Variants in CNTN4 observed in about 807,000 individuals in gnomAD.
CNTN4 encodes contactin-4.
Under a neutral mutation model 122.5 loss-of-function variants are expected in CNTN4, and 77 were observed. The observed-to-expected ratio is 0.63, with a 90% CI of 0.52 to 0.76. CNTN4 has a LOEUF of 0.76. CNTN4 is among the 30% of genes least tolerant of loss of function. CNTN4 has a pLI of 0.00. For synonymous variants in CNTN4, 512 were observed against 447.0 expected (o/e 1.15, Z -1.83); for missense variants, 1,256 against 1,259.1 (o/e 1.00, Z 0.04).
chr3:2,659,389 G>T (rs374451197), intron 4 of CNTN4, among the ~76,000 whole-genome samples: 9 of 149,634 alleles, frequency 6.0e-5, no homozygotes, highest in African/African-American at 2.2e-4. Context: ...TTGAACCCAG[G>T]AGGTGGAGGT....
intron 7 of CNTN4, among the ~76,000 whole-genome samples, chr3:2,859,425 A>G (rs936649345): frequency 6.6e-6 from 1 of 152,098 alleles, no homozygotes; most frequent in Admixed American, 6.5e-5. Flanking sequence ...GTTTCATAAT[A>G]TAGGGAAACT....
intron 24 of CNTN4, among the ~76,000 whole-genome samples, chr3:3,055,352 G>C (rs1422544575): frequency 1.3e-5 from 2 of 152,046 alleles, no homozygotes; most frequent in Non-Finnish European, 2.9e-5. Flanking sequence ...ATGATTCCTG[G>C]TTTTATTCAT....
At chr3:2,783,846 A>ATT (rs1469868622) in intron 6 of CNTN4, among the ~76,000 whole-genome samples, 1 of 152,202 alleles carries the variant, frequency 6.6e-6, no homozygotes, top group African/African-American at 2.4e-5. Context: ...ACACTTAATG[A>ATT]ATGTTCATGA....
chr3:2,503,539 A>G (rs534209072), intron 3 of CNTN4, among the ~76,000 whole-genome samples: 1 of 152,242 alleles, frequency 6.6e-6, no homozygotes, highest in South Asian at 2.1e-4. Context: ...TACTATCATT[A>G]TCCCCATTTT....
intron 4 of CNTN4, among the ~76,000 whole-genome samples, chr3:2,712,239 G>A (rs1265788116): frequency 6.6e-6 from 1 of 152,146 alleles, no homozygotes; most frequent in Non-Finnish European, 1.5e-5. Context: ...TGTTAAAGAG[G>A]TGAAATTAGA....
chr3:2,193,722 A>G (rs1346791259), intron 2 of CNTN4, among the ~76,000 whole-genome samples: 1 of 152,214 alleles, frequency 6.6e-6, no homozygotes, highest in Non-Finnish European at 1.5e-5. Flanking sequence ...AATGCATCAC[A>G]TATGCATGAC....
At chr3:2,871,945 A>G (rs1045382989) in intron 8 of CNTN4, among the ~76,000 whole-genome samples, 1 of 152,204 alleles carries the variant, frequency 6.6e-6, no homozygotes, top group African/African-American at 2.4e-5. Flanking sequence ...TGCTTTGAGA[A>G]GATAACTGAT....
At chr3:2,117,887 C>T (rs746586704) in intron 2 of CNTN4, among the ~76,000 whole-genome samples, 1 of 152,118 alleles carries the variant, frequency 6.6e-6, no homozygotes, top group Non-Finnish European at 1.5e-5. Context: ...TTTTTAGTTT[C>T]ACATCTGTCA....
chr3:2,404,988 A>AT (rs1202717734), intron 3 of CNTN4, among the ~76,000 whole-genome samples: 1 of 152,212 alleles, frequency 6.6e-6, no homozygotes, highest in East Asian at 1.9e-4. Flanking sequence ...AGGGAGTATA[A>AT]TTTAAAGTAT....
At chr3:2,410,441 G>A (rs2047188422) in intron 3 of CNTN4, among the ~76,000 whole-genome samples, 1 of 152,114 alleles carries the variant, frequency 6.6e-6, no homozygotes, top group African/African-American at 2.4e-5. Context: ...TACCACATCA[G>A]GCAGTGGAAA....
At chr3:2,628,904 G>T (rs2150013788) in intron 4 of CNTN4, among the ~76,000 whole-genome samples, 1 of 152,292 alleles carries the variant, frequency 6.6e-6, no homozygotes, top group East Asian at 1.9e-4. Flanking sequence ...GATATAATTT[G>T]TCTGAGAAAA....
At chr3:2,263,706 G>T (rs571903682) in intron 2 of CNTN4, among the ~76,000 whole-genome samples, 2 of 151,676 alleles carry the variant, frequency 1.3e-5, no homozygotes, top group Non-Finnish European at 2.9e-5. Flanking sequence ...CCCTATTGTA[G>T]AGTCAAATAT....
intron 13 of CNTN4, among the ~76,000 whole-genome samples, chr3:2,984,944 T>G (rs2125248505): frequency 6.6e-6 from 1 of 152,230 alleles, no homozygotes; most frequent in East Asian, 1.9e-4. Flanking sequence ...CTATTTTTGT[T>G]ATTATTGAGG....
At chr3:2,455,358 T>C (rs986686953) in intron 3 of CNTN4, among the ~76,000 whole-genome samples, 1 of 152,150 alleles carries the variant, frequency 6.6e-6, no homozygotes, top group African/African-American at 2.4e-5. Context: ...TGGGTGAATG[T>C]TGGCCCTCAA....
At chr3:2,190,620 G>A (rs1309370021) in intron 2 of CNTN4, among the ~76,000 whole-genome samples, 1 of 151,926 alleles carries the variant, frequency 6.6e-6, no homozygotes, top group African/African-American at 2.4e-5. Flanking sequence ...GTCTGCATGG[G>A]TGGTAGGTGG....
At chr3:2,801,098 G>C (rs559686821) in intron 6 of CNTN4, among the ~76,000 whole-genome samples, 1 of 145,592 alleles carries the variant, frequency 6.9e-6, no homozygotes, top group South Asian at 2.1e-4. Flanking sequence ...CACCTGATCA[G>C]ATGTAAGTTC....
intron 3 of CNTN4, among the ~76,000 whole-genome samples, chr3:2,457,785 A>C (rs948665150): frequency 2.3e-4 from 35 of 152,116 alleles, no homozygotes; most frequent in African/African-American, 8.2e-4. Flanking sequence ...TTCATTAAGC[A>C]TGTTTTAGCC....
chr3:2,961,231 C>CAAAAAAAAA (rs59790353), intron 13 of CNTN4, among the ~76,000 whole-genome samples: 5 of 37,244 alleles, frequency 1.3e-4, no homozygotes, highest in East Asian at 1.6e-3. Flanking sequence ...CTCCATCTCA[C>CAAAAAAAAA]AAAAAAAAAA....
At chr3:2,331,767 GT>G (rs113923393) in intron 2 of CNTN4, among the ~76,000 whole-genome samples, 4 of 152,294 alleles carry the variant, frequency 2.6e-5, no homozygotes, top group African/African-American at 9.6e-5. Context: ...AAGACCCCGA[GT>G]TTTGGGTTGA....
Sources: gnomAD v4.1 joint callset for allele counts (sites outside exome capture counted in the v4.1 genomes callset) on GRCh38, gnomAD v4.1.1 for gene constraint, MANE v1.5 for transcripts, NCBI Gene and HGNC (gene_info 2026-07-23, HGNC 2026-07-21) for gene names.